The following BNC2 variants were observed in gnomAD, a reference collection of about 807,000 sequenced individuals.
The protein encoded by BNC2 is basonuclin zinc finger protein 2.
In BNC2, 20 loss-of-function variants were observed where a neutral mutation model predicts 76.3. The ratio of observed to expected loss-of-function variants is 0.26; its 90% CI spans 0.18 to 0.38. The LOEUF (loss-of-function observed/expected upper bound fraction) is 0.38. BNC2 is among the 10% of genes least tolerant of loss of function. BNC2 has a pLI of 1.00. For synonymous variants in BNC2, 582 were observed against 514.8 expected, an observed-to-expected ratio of 1.13 and a Z score of -1.77; for missense variants, 1,382 against 1,399.8, an observed-to-expected ratio of 0.99 and a Z score of 0.20.
intron 1 of BNC2, among the ~76,000 whole-genome samples, chr9:16,820,247 G>A (rs1413445918): frequency 6.6e-6 from 1 of 150,828 alleles, no homozygotes; most frequent in Non-Finnish European, 1.5e-5. Flanking sequence ...TCAACATGGT[G>A]AAACCCCGTC....
intron 3 of BNC2, among the ~76,000 whole-genome samples, chr9:16,699,009 C>G (rs1823429942): frequency 6.6e-6 from 1 of 152,122 alleles, no homozygotes; most frequent in East Asian, 1.9e-4. Flanking sequence ...TATCAGTATG[C>G]AAACTTTAGA....
chr9:16,417,310 A>G lies in BNC2; in HGVS notation c.*1679T>C, dbSNP rs544033076. On this transcript the variant is annotated 3_prime_UTR_variant, in exon 7 of 7. Transcript: ENST00000380672. ...CTCAGGCAACATGTGTAAACATCGG[A>G]AACAAAACAAAACAAAAAAGGTTTG... 5 of 152,716 alleles carry G rather than the reference A, an allele frequency of 3.3e-5. No homozygotes were observed. In the South Asian group the frequency reaches 1.0e-3, roughly 32 times the overall value. The allele number at this position is 152,716 out of a possible 1,614,324, so 9.5% of individuals were successfully genotyped here.
chr9:16,504,095 T>C (rs1339312557), intron 5 of BNC2, among the ~76,000 whole-genome samples: 3 of 152,136 alleles, frequency 2.0e-5, no homozygotes, highest in East Asian at 1.9e-4. Flanking sequence ...CTGCACCTAC[T>C]AGATGTCATC....
chr9:16,446,337 T>G (rs1821231212), intron 5 of BNC2, among the ~76,000 whole-genome samples: 2 of 152,130 alleles, frequency 1.3e-5, no homozygotes, highest in African/African-American at 2.4e-5. Flanking sequence ...CTCCTTGGAT[T>G]AAAGTGGAAG....
intron 5 of BNC2, among the ~76,000 whole-genome samples, chr9:16,549,580 G>A (rs1036758013): frequency 1.3e-5 from 2 of 152,148 alleles, no homozygotes; most frequent in Non-Finnish European, 2.9e-5. Flanking sequence ...TATATTCAAA[G>A]TAATTTGTGC....
intron 5 of BNC2, among the ~76,000 whole-genome samples, chr9:16,523,453 A>G (rs1817684649): frequency 6.7e-6 from 1 of 150,024 alleles, no homozygotes; most frequent in African/African-American, 2.5e-5. Flanking sequence ...CCTGGACGAA[A>G]TAGCAAGACC....
At chr9:16,529,871 T>C (rs1006646838) in intron 5 of BNC2, among the ~76,000 whole-genome samples, 3 of 152,134 alleles carry the variant, frequency 2.0e-5, no homozygotes, top group African/African-American at 7.2e-5. Context: ...ATTTATGAGA[T>C]GGAGTCTCAC....
At position 16,617,529 on chromosome 9, in the gene BNC2, A is replaced by G. The variant is rs1258038740; in HGVS notation, c.331-34444T>C. ...CCAAATTTTACGTACAGATGGAGGAAAAAAAAAAAAAAAAACCACGATTAT... is the reference window on the plus strand; with the variant it reads ...CCAAATTTTACGTACAGATGGAGGAGAAAAAAAAAAAAAAACCACGATTAT... On this transcript the variant is annotated intron_variant, in intron 3 of 6. Transcript: ENST00000380672. 5.0e-3 allele frequency among the ~76,000 whole-genome samples: 19 copies of G among 3,826 alleles called. No homozygotes were observed. The Non-Finnish European group carries it at 0.059, about 12-fold the overall frequency. The allele number at this position is 3,826 out of a possible 152,430, so 2.5% of individuals were successfully genotyped here.
intron 5 of BNC2, among the ~76,000 whole-genome samples, chr9:16,530,740 T>C (rs1817950400): frequency 6.6e-6 from 1 of 152,234 alleles, no homozygotes; most frequent in Non-Finnish European, 1.5e-5. Context: ...GCAGAACTTC[T>C]GGTGTCTGAG....
chr9:16,833,553 AT>A (rs895885600), intron 1 of BNC2, among the ~76,000 whole-genome samples: 1 of 151,586 alleles, frequency 6.6e-6, no homozygotes, highest in Non-Finnish European at 1.5e-5. Flanking sequence ...GCAAAGAGCA[AT>A]TTTTTTTTCT....
chr9:16,651,570 G>C (rs1231102252), intron 3 of BNC2, among the ~76,000 whole-genome samples: 2 of 152,114 alleles, frequency 1.3e-5, no homozygotes, highest in East Asian at 3.9e-4. Context: ...GAGCTCATTA[G>C]GCTGTTCCTC....
chr9:16,658,754 A>G (rs1223582684), intron 3 of BNC2, among the ~76,000 whole-genome samples: 1 of 152,180 alleles, frequency 6.6e-6, no homozygotes, highest in Non-Finnish European at 1.5e-5. Flanking sequence ...ACTATCCCAG[A>G]ACAGACAATC....
intron 3 of BNC2, among the ~76,000 whole-genome samples, chr9:16,600,745 A>T (rs1198529697): frequency 6.6e-6 from 1 of 152,128 alleles, no homozygotes; most frequent in East Asian, 1.9e-4. Context: ...GGGTGGCGAG[A>T]GTCTTCTGGT....
At chr9:16,566,493 G>A (rs546815482) in intron 4 of BNC2, among the ~76,000 whole-genome samples, 4 of 152,284 alleles carry the variant, frequency 2.6e-5, no homozygotes, top group South Asian at 2.1e-4. Flanking sequence ...AGCTAAGCAG[G>A]AATCCTGAGT....
intron 4 of BNC2, among the ~76,000 whole-genome samples, chr9:16,558,425 T>C (rs960454347): frequency 6.6e-6 from 1 of 152,178 alleles, no homozygotes; most frequent in Non-Finnish European, 1.5e-5. Context: ...TATTGTTTGA[T>C]TGAGAAGATT....
chr9:16,489,401 C>A (rs960348312), intron 5 of BNC2, among the ~76,000 whole-genome samples: 1 of 152,082 alleles, frequency 6.6e-6, no homozygotes, highest in African/African-American at 2.4e-5. Flanking sequence ...TCTAATTTAC[C>A]TTTCATTGAG....
intron 1 of BNC2, among the ~76,000 whole-genome samples, chr9:16,832,653 C>T (rs1404509911): frequency 1.3e-5 from 2 of 152,112 alleles, no homozygotes; most frequent in Non-Finnish European, 2.9e-5. Context: ...TTCCATATAG[C>T]ATTTAGAGGT....
At chr9:16,692,942 C>T (rs572044703) in intron 3 of BNC2, among the ~76,000 whole-genome samples, 11 of 151,802 alleles carry the variant, frequency 7.2e-5, no homozygotes, top group African/African-American at 2.2e-4. Context: ...CTAGCCTGGC[C>T]GACATGGAGA....
At chr9:16,751,650 GTA>G (rs371502097) in intron 1 of BNC2, among the ~76,000 whole-genome samples, 1,055 of 28,704 alleles carry the variant, frequency 0.037, 219 homozygotes, top group Middle Eastern at 0.067. Context: ...ATGTATGTGT[GTA>G]TATATATATG....
Sources: allele counts gnomAD v4.1 joint callset (sites outside exome capture counted in the v4.1 genomes callset), GRCh38; gene constraint gnomAD v4.1.1; transcripts MANE v1.5; gene names NCBI Gene and HGNC (gene_info 2026-07-23, HGNC 2026-07-21).